The following PAK5 variants were observed in gnomAD, a reference collection of about 807,000 sequenced individuals.
PAK5 encodes the protein p21 (RAC1) activated kinase 5, also known as serine/threonine-protein kinase PAK 5.
PAK5 carries 16 observed loss-of-function variants against 65.9 expected under a neutral mutation model. That is an observed-to-expected ratio of 0.24 (90% CI 0.16 to 0.37). The LOEUF (loss-of-function observed/expected upper bound fraction) is 0.37. Ranked by LOEUF, PAK5 falls within the 10% of genes least tolerant of loss-of-function variation. The pLI is 1.00. For synonymous variants in PAK5, 371 were observed against 354.9 expected, an observed-to-expected ratio of 1.05 and a Z score of -0.51; for missense variants, 785 against 903.9, an observed-to-expected ratio of 0.87 and a Z score of 1.69.
At position 9,565,944 on chromosome 20, in the gene PAK5, C is replaced by G. The variant is rs1215103735; in HGVS notation, c.1431G>C (p.Val477=). 3 of 1,613,756 alleles carry G rather than the reference C, an allele frequency of 1.9e-6. No homozygotes were observed. Among genetic ancestry groups the G allele is most frequent in the East Asian group, 2.2e-5 (1 of 44,858 alleles). Residue 477 remains valine (V), a synonymous_variant, in exon 5 of 10, where the codon GTG becomes GTC. Coordinates refer to ENST00000353224, the MANE Select transcript of PAK5 (RefSeq NM_177990.4). ...TEKHTGKQVA[V]KKMDLRKQQR... is the part of the protein sequence containing the mutation. Reference sequence around the variant, plus strand: ...GTTGCTTCCGGAGGTCCATTTTCTTCACTGCAACTTGTTTCCCTGTGTGTT... The same window carrying G: ...GTTGCTTCCGGAGGTCCATTTTCTTGACTGCAACTTGTTTCCCTGTGTGTT...
At chr20:9,690,012 G>GA (rs1429615151) in intron 2 of PAK5, among the ~76,000 whole-genome samples, 3 of 151,954 alleles carry the variant, frequency 2.0e-5, no homozygotes, top group Non-Finnish European at 2.9e-5. Flanking sequence ...CTAGATATTT[G>GA]AAAAAAACAT....
intron 1 of PAK5, among the ~76,000 whole-genome samples, chr20:9,805,674 T>C (rs1013734221): frequency 3.9e-5 from 6 of 152,106 alleles, no homozygotes; most frequent in African/African-American, 1.4e-4. Flanking sequence ...ATAAGAAGTA[T>C]CCCAAATAAG....
At chr20:9,712,182 A>C (rs898963821) in intron 1 of PAK5, among the ~76,000 whole-genome samples, 5 of 152,190 alleles carry the variant, frequency 3.3e-5, no homozygotes, top group African/African-American at 1.2e-4. Flanking sequence ...AAGCACAAAA[A>C]TGTAAAAGAT....
At chr20:9,652,721 A>G (rs1231503657) in intron 2 of PAK5, among the ~76,000 whole-genome samples, 1 of 152,164 alleles carries the variant, frequency 6.6e-6, no homozygotes, top group Non-Finnish European at 1.5e-5. Context: ...TGCCTTCTCA[A>G]CAGGTGTAGA....
At chr20:9,760,592 AT>A (rs1419563437) in intron 1 of PAK5, among the ~76,000 whole-genome samples, 2 of 149,892 alleles carry the variant, frequency 1.3e-5, no homozygotes, top group Non-Finnish European at 3.0e-5. Context: ...AAAAAAAAAA[AT>A]GTATATTTGA....
chr20:9,555,173 C>T (rs551317059), intron 7 of PAK5, among the ~76,000 whole-genome samples: 3 of 152,228 alleles, frequency 2.0e-5, no homozygotes, highest in Admixed American at 6.5e-5. Flanking sequence ...GTCTGTTACA[C>T]GTAGCAGACA....
chr20:9,617,919 T>A (rs1004964119), intron 3 of PAK5, among the ~76,000 whole-genome samples: 66 of 152,234 alleles, frequency 4.3e-4, no homozygotes, highest in African/African-American at 1.5e-3. Flanking sequence ...AAGTGGAAGT[T>A]TACATGAGGT....
At chr20:9,779,442 G>C (rs1047381895) in intron 1 of PAK5, among the ~76,000 whole-genome samples, 15 of 150,426 alleles carry the variant, frequency 1.0e-4, no homozygotes, top group African/African-American at 3.7e-4. Context: ...GACTTTTTCA[G>C]TATCGTTCTT....
chr20:9,702,435 A>G (rs1457604004), intron 2 of PAK5, among the ~76,000 whole-genome samples: 1 of 152,146 alleles, frequency 6.6e-6, no homozygotes, highest in African/African-American at 2.4e-5. Flanking sequence ...CCAAATAACA[A>G]TCAACTGGTT....
intron 2 of PAK5, among the ~76,000 whole-genome samples, chr20:9,678,988 T>G (rs935555324): frequency 4.6e-5 from 7 of 152,044 alleles, no homozygotes; most frequent in Non-Finnish European, 8.8e-5. Flanking sequence ...ACAAAACAGG[T>G]TTGAACTGCA....
intron 1 of PAK5, among the ~76,000 whole-genome samples, chr20:9,831,535 C>CCTCACTCTGTCGCCCAGGCTGGAGT (rs1978715557): frequency 6.6e-6 from 1 of 152,108 alleles, no homozygotes; most frequent in Non-Finnish European, 1.5e-5. Flanking sequence ...CAAGGCAGGG[C>CCTCACTCTGTCGCCCAGGCTGGAGT]CTCACTCTGT....
chr20:9,585,560 C>T (rs921185498), intron 3 of PAK5, among the ~76,000 whole-genome samples: 10 of 152,180 alleles, frequency 6.6e-5, no homozygotes, highest in South Asian at 2.1e-4. Context: ...GCTGAATGTA[C>T]GGAATATGGA....
At chr20:9,804,396 A>G (rs1197117754) in intron 1 of PAK5, among the ~76,000 whole-genome samples, 6 of 152,196 alleles carry the variant, frequency 3.9e-5, no homozygotes, top group Non-Finnish European at 8.8e-5. Context: ...TAAAACTAAG[A>G]GTTCAAGAAA....
At chr20:9,710,271 C>T (rs1463433663) in intron 2 of PAK5, among the ~76,000 whole-genome samples, 2 of 152,106 alleles carry the variant, frequency 1.3e-5, no homozygotes, top group South Asian at 2.1e-4. Flanking sequence ...CCGAGTGTTA[C>T]AAGATAACCC....
intron 1 of PAK5, among the ~76,000 whole-genome samples, chr20:9,745,313 G>A (rs2048494127): frequency 7.3e-6 from 1 of 137,216 alleles, no homozygotes; most frequent in Non-Finnish European, 1.5e-5. Flanking sequence ...ACATCAAAAA[G>A]CAATTTTTGC....
At chr20:9,836,548 T>C (rs1012197261) in intron 1 of PAK5, among the ~76,000 whole-genome samples, 4 of 152,200 alleles carry the variant, frequency 2.6e-5, no homozygotes, top group Non-Finnish European at 4.4e-5. Flanking sequence ...TTAGAGGTTT[T>C]GGAGGGTGCA....
At chr20:9,616,561 C>T (rs1411730434) in intron 3 of PAK5, among the ~76,000 whole-genome samples, 1 of 152,230 alleles carries the variant, frequency 6.6e-6, no homozygotes, top group African/African-American at 2.4e-5. Flanking sequence ...AATAGATTCT[C>T]ATCCTTCAGG....
chr20:9,705,417 C>T (rs956405128), intron 2 of PAK5, among the ~76,000 whole-genome samples: 8 of 152,110 alleles, frequency 5.3e-5, no homozygotes, highest in African/African-American at 1.7e-4. Flanking sequence ...ATCAAGAACA[C>T]CAGGCATGAG....
At chr20:9,590,810 A>G (rs1046559525) in intron 3 of PAK5, among the ~76,000 whole-genome samples, 2 of 151,202 alleles carry the variant, frequency 1.3e-5, no homozygotes, top group Admixed American at 1.3e-4. Context: ...GACTAGAATA[A>G]GCAACCCAAA....
Sources: allele counts gnomAD v4.1 joint callset (sites outside exome capture counted in the v4.1 genomes callset), GRCh38; gene constraint gnomAD v4.1.1; transcripts MANE v1.5; gene names NCBI Gene and HGNC (gene_info 2026-07-23, HGNC 2026-07-21).